The following USP24 variants were observed in gnomAD, a reference collection of about 807,000 sequenced individuals.
USP24 encodes ubiquitin carboxyl-terminal hydrolase 24.
Under a neutral mutation model 361.6 loss-of-function variants are expected in USP24, and 97 were observed. The observed-to-expected ratio is 0.27, with a 90% CI of 0.23 to 0.32. USP24 has a LOEUF of 0.32. USP24 is among the 10% of genes least tolerant of loss of function. USP24 has a pLI of 1.00. For synonymous variants in USP24, 1,098 were observed against 1,124.6 expected (o/e 0.98, Z 0.47); for missense variants, 2,353 against 3,165.6 (o/e 0.74, Z 6.16).
chr1:55,087,266 A>C (rs1645272201), intron 55 of USP24, among the ~76,000 whole-genome samples: 1 of 152,216 alleles, frequency 6.6e-6, no homozygotes, highest in Non-Finnish European at 1.5e-5. Flanking sequence ...TTATAAAGAA[A>C]GAAACAAACT....
chr1:55,177,317 C>T (rs1394131065), intron 2 of USP24, among the ~76,000 whole-genome samples: 1 of 152,070 alleles, frequency 6.6e-6, no homozygotes, highest in Admixed American at 6.6e-5. Flanking sequence ...CTTTATTAAA[C>T]TCAATAATAG....
At chr1:55,160,384 C>T (rs1570577293) in intron 8 of USP24, among the ~76,000 whole-genome samples, 1 of 152,122 alleles carries the variant, frequency 6.6e-6, no homozygotes, top group African/African-American at 2.4e-5. Context: ...GGAAGGAGAG[C>T]GAGCTGTTAT....
At position 55,124,450 on chromosome 1, in the gene USP24, GTC is replaced by G; in HGVS notation, c.4120+17_4120+18del. On this transcript the variant is annotated intron_variant, in intron 35 of 67. Transcript: ENST00000294383. ...TTTCTTACCCAGTGTTCTCATTACTGTCTCTTTTTAATCAGTACCTGAACTGC... is the reference window on the plus strand; with the variant it reads ...TTTCTTACCCAGTGTTCTCATTACTGTCTTTTTAATCAGTACCTGAACTGC... 6.2e-7 allele frequency: 1 copy of G among 1,601,674 alleles called. No individual in the cohort carries two copies. The highest frequency in any genetic ancestry group is 8.5e-7 in the Non-Finnish European group (1 of 1,172,960).
rs148068514 is a variant in USP24, at chr1:55,125,800, AT to A, written c.3636-43del. ...AAAAGGCAGGATATTAAAGACTTCT[AT>A]TTTTTTTCATTTTAAATTTTCCATA... On this transcript the variant is annotated intron_variant, in intron 32 of 67. Coordinates refer to ENST00000294383, the MANE Select transcript of USP24 (RefSeq NM_015306.3). 2,713 of 1,464,986 alleles carry A rather than the reference AT, an allele frequency of 1.9e-3. 48 individuals carry two copies. The East Asian group carries it at 0.041, about 22-fold the overall frequency. 90.7% of individuals were successfully genotyped at this position (1,464,986 alleles called of 1,614,324 possible). A position where few individuals can be genotyped will look rare whatever the true frequency, so the allele number is the denominator to read the frequency against.
At chr1:55,081,504 T>C in intron 58 of USP24, 80 bp from the exon 59 acceptor site, 2 of 1,311,934 alleles carry the variant, frequency 1.5e-6, no homozygotes, top group Non-Finnish European at 2.2e-6. Context: ...GTTTGCTGGT[T>C]CATAATATTC....
intron 1 of USP24, among the ~76,000 whole-genome samples, chr1:55,188,964 CAAAAAAAAAAAAAAAAA>C (rs533085761): frequency 2.7e-5 from 2 of 74,414 alleles, no homozygotes; most frequent in African/African-American, 7.1e-5. Context: ...AACTCCATCT[CAAAAAAAAAAAAAAAAA>C]AAAAAAAAAA....
chr1:55,086,143 T>A, intron 55 of USP24, 105 bp from the exon 56 acceptor site: 1 of 1,098,162 alleles, frequency 9.1e-7, no homozygotes, highest in Non-Finnish European at 1.4e-6. Flanking sequence ...AAGTAGAGTC[T>A]CCTGACAGTG....
intron 55 of USP24, among the ~76,000 whole-genome samples, chr1:55,088,213 G>C (rs1645295380): frequency 6.6e-6 from 1 of 152,204 alleles, no homozygotes; most frequent in Non-Finnish European, 1.5e-5. Context: ...TATCAAGTAG[G>C]CAAATAAATG....
chr1:55,173,785 G>A (rs1426139789), intron 3 of USP24, among the ~76,000 whole-genome samples: 1 of 152,032 alleles, frequency 6.6e-6, no homozygotes, highest in Non-Finnish European at 1.5e-5. Context: ...ACTATTTTTT[G>A]CAGAATTTTT....
At position 55,141,610 on chromosome 1, in the gene USP24, A is replaced by G; in HGVS notation, c.2750+6T>C. Reference sequence around the variant, plus strand: ...TGTTGTGTATTTTTCACTTCTGATCACTTACCTATAAGGAGACTGAACTGA... The same window carrying G: ...TGTTGTGTATTTTTCACTTCTGATCGCTTACCTATAAGGAGACTGAACTGA... On this transcript the variant is annotated splice_donor_region_variant and intron_variant, in intron 24 of 67. Transcript: ENST00000294383. 1.2e-6 allele frequency: 2 copies of G among 1,606,916 alleles called. No individual in the cohort carries two copies. The highest frequency in any genetic ancestry group is 1.7e-6 in the Non-Finnish European group (2 of 1,175,896).
intron 1 of USP24, among the ~76,000 whole-genome samples, chr1:55,198,283 A>C (rs1441560441): frequency 6.6e-6 from 1 of 152,148 alleles, no homozygotes; most frequent in Non-Finnish European, 1.5e-5. Context: ...TCCCCAGCCT[A>C]TATTTCTCAT....
At chr1:55,154,013 G>A (rs1570560617) in intron 15 of USP24, 96 bp from the exon 16 acceptor site, 2 of 1,564,782 alleles carry the variant, frequency 1.3e-6, no homozygotes, top group Non-Finnish European at 1.7e-6. Context: ...TTCCAGATAT[G>A]GCATTTAGTT....
At chr1:55,120,516 T>C in intron 38 of USP24, 80 bp downstream of exon 38, 4 of 1,422,420 alleles carry the variant, frequency 2.8e-6, no homozygotes, top group Non-Finnish European at 3.7e-6. Flanking sequence ...TAATGCACTG[T>C]GGACTTCAGG....
Position 55,073,708 on chromosome 1 carries a change from GC to G in USP24, c.7526+119del, listed in dbSNP as rs755547671. ...ATAGGTTTCTGTACCTTCCAAGCAA[GC>G]AGGCCCTGACTGAGTCAGATTCTCC... On this transcript the variant is annotated intron_variant, in intron 64 of 67. Transcript: ENST00000294383. The G allele has an allele frequency of 8.4e-4, 759 of 906,524 alleles. 5 individuals carry two copies. Among genetic ancestry groups the G allele is most frequent in the South Asian group, 1.4e-3 (92 of 67,618 alleles). 56.2% of individuals were successfully genotyped at this position (906,524 alleles called of 1,614,324 possible).
intron 1 of USP24, among the ~76,000 whole-genome samples, chr1:55,188,130 C>T (rs1204547939): frequency 2.6e-5 from 4 of 152,140 alleles, no homozygotes; most frequent in African/African-American, 7.2e-5. Context: ...CACGAGACAA[C>T]TTAATCTTTC....
At chr1:55,188,963 TCAAAAAAAA>T (rs1644210696) in intron 1 of USP24, among the ~76,000 whole-genome samples, 1 of 14,684 alleles carries the variant, frequency 6.8e-5, no homozygotes, top group Non-Finnish European at 1.0e-4. Context: ...AAACTCCATC[TCAAAAAAAA>T]AAAAAAAAAA....
At chr1:55,213,758 T>C (rs1644907618) in intron 1 of USP24, among the ~76,000 whole-genome samples, 1 of 152,140 alleles carries the variant, frequency 6.6e-6, no homozygotes, top group Admixed American at 6.5e-5. Flanking sequence ...TTCTTTATTA[T>C]AGAAGAGTCC....
At chr1:55,119,894 T>A (rs1219623828) in intron 38 of USP24, among the ~76,000 whole-genome samples, 1 of 152,146 alleles carries the variant, frequency 6.6e-6, no homozygotes, top group Non-Finnish European at 1.5e-5. Flanking sequence ...TTTAGGATGA[T>A]GCAAAAGTTT....
chr1:55,121,387 A>G (rs1646276068), intron 37 of USP24, 49 bp downstream of exon 37: 2 of 1,561,814 alleles, frequency 1.3e-6, no homozygotes, highest in Non-Finnish European at 1.8e-6. Context: ...GACAGCTCAC[A>G]AAACAACAGG....
Sources: allele counts gnomAD v4.1 joint callset (sites outside exome capture counted in the v4.1 genomes callset), GRCh38; gene constraint gnomAD v4.1.1; transcripts MANE v1.5; gene names NCBI Gene and HGNC (gene_info 2026-07-23, HGNC 2026-07-21).